KIAA1328: variants seen among roughly 807,000 people sequenced by gnomAD.
KIAA1328 encodes the protein protein hinderin.
A neutral mutation model predicts 68.1 loss-of-function variants in KIAA1328; 52 were observed. The ratio of observed to expected loss-of-function variants is 0.76; its 90% confidence interval spans 0.61 to 0.96. The LOEUF is 0.96. KIAA1328 is among the 40% of genes least tolerant of loss of function. The pLI, the probability that KIAA1328 is intolerant of heterozygous loss-of-function variation, is 0.00. For missense variants in KIAA1328, 641 were observed against 677.6 expected, an observed-to-expected ratio of 0.95 and a Z score of 0.60; for synonymous variants, 232 against 239.4, an observed-to-expected ratio of 0.97 and a Z score of 0.28.
At chr18:37,184,565 G>A (rs1202178058) in intron 9 of KIAA1328, among the ~76,000 whole-genome samples, 2 of 152,190 alleles carry the variant, frequency 1.3e-5, no homozygotes, top group Non-Finnish European at 2.9e-5. Flanking sequence ...AGTGAGCAGA[G>A]CTTAGAGGAA....
intron 5 of KIAA1328, among the ~76,000 whole-genome samples, chr18:36,909,060 A>G (rs1356726766): frequency 2.0e-5 from 3 of 152,134 alleles, no homozygotes; most frequent in African/African-American, 7.2e-5. Context: ...AGATTCATAT[A>G]TTTACCCTTC....
chr18:37,099,247 T>C (rs1220768614), intron 7 of KIAA1328, among the ~76,000 whole-genome samples: 1 of 152,254 alleles, frequency 6.6e-6, no homozygotes, highest in Admixed American at 6.5e-5. Context: ...CTGCTTTGAA[T>C]GTGTCCCAGA....
At chr18:36,891,595 A>G (rs1443517850) in intron 5 of KIAA1328, among the ~76,000 whole-genome samples, 9 of 152,368 alleles carry the variant, frequency 5.9e-5, no homozygotes, top group East Asian at 1.9e-4. Flanking sequence ...TTCATTAAGA[A>G]TAATGGCCTC....
chr18:36,916,157 A>G (rs2049689527), intron 5 of KIAA1328, among the ~76,000 whole-genome samples: 1 of 152,118 alleles, frequency 6.6e-6, no homozygotes, highest in African/African-American at 2.4e-5. Context: ...TATTTCTTGC[A>G]GTATATTTTC....
intron 7 of KIAA1328, among the ~76,000 whole-genome samples, chr18:37,125,817 A>G (rs2058375683): frequency 6.6e-6 from 1 of 152,226 alleles, no homozygotes; most frequent in Admixed American, 6.5e-5. Context: ...GACAGGTTGC[A>G]GTCAAAACAC....
At chr18:36,840,216 A>G (rs1229658563) in intron 3 of KIAA1328, among the ~76,000 whole-genome samples, 1 of 152,082 alleles carries the variant, frequency 6.6e-6, no homozygotes, top group Non-Finnish European at 1.5e-5. Context: ...CTGCAATTCC[A>G]GTGATCATTC....
At chr18:36,843,760 A>G (rs1188725154) in intron 3 of KIAA1328, among the ~76,000 whole-genome samples, 1 of 152,132 alleles carries the variant, frequency 6.6e-6, no homozygotes, top group African/African-American at 2.4e-5. Context: ...AGCTATTGCT[A>G]TTATTACTCT....
intron 5 of KIAA1328, among the ~76,000 whole-genome samples, chr18:36,895,163 G>GT (rs1282038956): frequency 6.6e-5 from 10 of 152,080 alleles, no homozygotes; most frequent in African/African-American, 2.4e-4. Flanking sequence ...CCTAACTTGC[G>GT]TATCTTCTTA....
intron 5 of KIAA1328, among the ~76,000 whole-genome samples, chr18:36,887,440 A>C (rs992350472): frequency 6.6e-6 from 1 of 152,090 alleles, no homozygotes; most frequent in African/African-American, 2.4e-5. Flanking sequence ...CAGTGCTGGC[A>C]GCTTTACAAT....
chr18:36,886,709 A>G (rs773947316), intron 5 of KIAA1328, among the ~76,000 whole-genome samples: 6 of 152,172 alleles, frequency 3.9e-5, no homozygotes, highest in Admixed American at 6.5e-5. Context: ...CTGCCAGCTA[A>G]ACTAGTGTGT....
chr18:36,959,247 G>A, intron 5 of KIAA1328, 61 bp from the exon 6 acceptor site: 1 of 1,454,768 alleles, frequency 6.9e-7, no homozygotes, highest in Non-Finnish European at 9.2e-7. Context: ...ATGAAAAGCA[G>A]CATTGATGGA....
chr18:37,035,822 T>A (rs1395574831), intron 6 of KIAA1328, among the ~76,000 whole-genome samples: 1 of 152,198 alleles, frequency 6.6e-6, no homozygotes, highest in Admixed American at 6.5e-5. Flanking sequence ...TTAAAAGGGT[T>A]ATAAAACCAG....
downstream of KIAA1328, chr18:37,225,365 C>T: frequency 1.1e-6 from 1 of 942,130 alleles, no homozygotes; most frequent in South Asian, 4.9e-5. Flanking sequence ...GTCCCTTGAA[C>T]ATCCCTCATC....
chr18:36,953,931 T>C (rs954326314), intron 5 of KIAA1328, among the ~76,000 whole-genome samples: 30 of 152,048 alleles, frequency 2.0e-4, no homozygotes, highest in Non-Finnish European at 3.8e-4. Flanking sequence ...GACACTGACC[T>C]TCTGAAGAGT....
chr18:37,024,271 A>G (rs1267947660), intron 6 of KIAA1328, among the ~76,000 whole-genome samples: 2 of 151,630 alleles, frequency 1.3e-5, no homozygotes, highest in Admixed American at 6.6e-5. Flanking sequence ...AAAATGCTGC[A>G]ATTACAGGCA....
chr18:37,094,950 T>C (rs1277174992), intron 7 of KIAA1328, among the ~76,000 whole-genome samples: 1 of 132,122 alleles, frequency 7.6e-6, no homozygotes, highest in African/African-American at 3.9e-5. Context: ...ATAGGTTTTA[T>C]GTCAAAAAAA....
chr18:36,953,773 A>C (rs1423002015), intron 5 of KIAA1328, among the ~76,000 whole-genome samples: 1 of 152,052 alleles, frequency 6.6e-6, no homozygotes, highest in African/African-American at 2.4e-5. Flanking sequence ...AATTGAGTCC[A>C]TATTCTAATT....
At chr18:37,000,875 T>C (rs2053564108) in intron 6 of KIAA1328, among the ~76,000 whole-genome samples, 1 of 152,044 alleles carries the variant, frequency 6.6e-6, no homozygotes, top group African/African-American at 2.4e-5. Flanking sequence ...TCAAAACTTG[T>C]AGGATACAGC....
intron 4 of KIAA1328, among the ~76,000 whole-genome samples, chr18:36,882,718 T>C (rs191496134): frequency 1.3e-5 from 2 of 152,338 alleles, no homozygotes; most frequent in Non-Finnish European, 2.9e-5. Context: ...TAGAAAAGAA[T>C]CATTTTATCT....
Sources: gnomAD v4.1 joint callset for allele counts (sites outside exome capture counted in the v4.1 genomes callset) on GRCh38, gnomAD v4.1.1 for gene constraint, MANE v1.5 for transcripts, NCBI Gene and HGNC (gene_info 2026-07-23, HGNC 2026-07-21) for gene names.